Variants in PLEKHA5 observed in about 807,000 individuals in gnomAD.
PLEKHA5 encodes the protein pleckstrin homology domain-containing family A member 5.
PLEKHA5 carries 55 observed loss-of-function variants against 181.9 expected under a neutral mutation model. The observed-to-expected ratio is 0.30, with a 90% confidence interval of 0.24 to 0.38. The LOEUF (loss-of-function observed/expected upper bound fraction) is 0.38. Ranked by LOEUF, PLEKHA5 falls within the 10% of genes least tolerant of loss-of-function variation. The pLI is 1.00. For synonymous variants in PLEKHA5, 535 were observed against 529.4 expected (o/e 1.01, Z -0.15); for missense variants, 1,432 against 1,549.5 (o/e 0.92, Z 1.27).
chr12:19,324,329 T>G (rs2091599780), intron 20 of PLEKHA5, among the ~76,000 whole-genome samples: 1 of 152,228 alleles, frequency 6.6e-6, no homozygotes, highest in African/African-American at 2.4e-5. Flanking sequence ...TTTAAAATAC[T>G]GTTATTTCTG....
chr12:19,271,759 A>G (rs2072875056), intron 10 of PLEKHA5, among the ~76,000 whole-genome samples: 1 of 152,162 alleles, frequency 6.6e-6, no homozygotes, highest in African/African-American at 2.4e-5. Context: ...TGGCAACCTG[A>G]TAGTTCACTA....
At chr12:19,336,126 A>G (rs2093410330) in intron 20 of PLEKHA5, among the ~76,000 whole-genome samples, 1 of 152,220 alleles carries the variant, frequency 6.6e-6, no homozygotes, top group African/African-American at 2.4e-5. Context: ...TTGTTTAAAT[A>G]GCTAGCTAAA....
intron 15 of PLEKHA5, among the ~76,000 whole-genome samples, chr12:19,305,351 G>T (rs914360468): frequency 2.0e-5 from 3 of 150,384 alleles, no homozygotes; most frequent in Admixed American, 1.3e-4. Flanking sequence ...TCACAAGGTC[G>T]GGAGTTCAAG....
intron 3 of PLEKHA5, chr12:19,201,411 A>G (rs2054158829): frequency 1.3e-5 from 2 of 152,098 alleles, no homozygotes; most frequent in Admixed American, 6.6e-5. Context: ...TGTTAGAACC[A>G]CTTTGGAAAG....
chr12:19,286,217 C>G, intron 12 of PLEKHA5, among the ~76,000 whole-genome samples: 1 of 152,138 alleles, frequency 6.6e-6, no homozygotes, highest in Non-Finnish European at 1.5e-5. Context: ...CATTGCATAA[C>G]TCACTGAACC....
chr12:19,153,395 C>G (rs957112080), intron 3 of PLEKHA5: 8 of 152,016 alleles, frequency 5.3e-5, no homozygotes, highest in Non-Finnish European at 1.2e-4. Context: ...TTGTTGGGAT[C>G]AACCCAACTT....
chr12:19,315,474 T>C (rs528525733), intron 16 of PLEKHA5, among the ~76,000 whole-genome samples: 2 of 152,264 alleles, frequency 1.3e-5, no homozygotes, highest in African/African-American at 4.8e-5. Flanking sequence ...TACCCTATTG[T>C]TTTTCCTTAT....
chr12:19,300,488 G>A (rs2081177129), intron 15 of PLEKHA5, among the ~76,000 whole-genome samples: 1 of 152,122 alleles, frequency 6.6e-6, no homozygotes, highest in Non-Finnish European at 1.5e-5. Context: ...CTTTGCTTCT[G>A]TCTTAATTTT....
chr12:19,166,391 G>T (rs2044389187), intron 3 of PLEKHA5, among the ~76,000 whole-genome samples: 1 of 152,158 alleles, frequency 6.6e-6, no homozygotes, highest in African/African-American at 2.4e-5. Flanking sequence ...AGATAACAGT[G>T]TTACCTCGTT....
chr12:19,255,925 T>G (rs2066768139), intron 5 of PLEKHA5, among the ~76,000 whole-genome samples: 1 of 149,368 alleles, frequency 6.7e-6, no homozygotes, highest in Non-Finnish European at 1.5e-5. Context: ...CAGATGGGCT[T>G]TCTAAATATG....
At chr12:19,310,164 A>G (rs1261641134) in intron 15 of PLEKHA5, among the ~76,000 whole-genome samples, 3 of 152,224 alleles carry the variant, frequency 2.0e-5, no homozygotes, top group African/African-American at 4.8e-5. Flanking sequence ...ACTCATTTCA[A>G]GTGAATCCTT....
chr12:19,130,267 C>T lies in PLEKHA5; in HGVS notation c.169+137C>T, dbSNP rs937555403. On this transcript the variant is annotated intron_variant, in intron 2 of 31. Coordinates refer to ENST00000429027, the MANE Select transcript of PLEKHA5 (RefSeq NM_001256470.2). This position sits in a 1 kb window ranked among gnomAD's most constrained non-coding sequence, Gnocchi z 4.5. ...CGGGGCGGAGGCCGGGCGGGAGCGG[C>T]CGCAGGTAGAGGGGCCACGGGGACT... 1.0e-5 allele frequency: 4 copies of T among 390,782 alleles called. No individual in the cohort carries two copies. The Admixed American group carries it at 1.9e-4, about 19-fold the overall frequency. The allele number at this position is 390,782 out of a possible 1,614,324, so 24.2% of individuals were successfully genotyped here.
intron 15 of PLEKHA5, among the ~76,000 whole-genome samples, chr12:19,311,752 C>T (rs56930803): frequency 6.6e-6 from 1 of 151,966 alleles, no homozygotes; most frequent in Admixed American, 6.6e-5. Flanking sequence ...AACCCCTCAA[C>T]CTCATTCATG....
At chr12:19,263,916 C>T (rs2069404389) in intron 7 of PLEKHA5, among the ~76,000 whole-genome samples, 1 of 152,126 alleles carries the variant, frequency 6.6e-6, no homozygotes, top group Admixed American at 6.6e-5. Flanking sequence ...TGAGTACTTA[C>T]TCTTTGTCAG....
At chr12:19,240,245 A>T (rs2062239506) in intron 3 of PLEKHA5, among the ~76,000 whole-genome samples, 1 of 151,958 alleles carries the variant, frequency 6.6e-6, no homozygotes, top group Admixed American at 6.5e-5. Context: ...AAATAATTGG[A>T]TCTCTTTAAA....
chr12:19,283,238 A>T, intron 11 of PLEKHA5, 42 bp from the exon 12 acceptor site: 34 of 1,015,052 alleles, frequency 3.3e-5, no homozygotes, highest in Non-Finnish European at 4.6e-5. Context: ...TTGGAAAATA[A>T]CCCTCCTTCA....
intron 3 of PLEKHA5, among the ~76,000 whole-genome samples, chr12:19,208,930 A>G (rs1347241325): frequency 6.6e-6 from 1 of 152,156 alleles, no homozygotes; most frequent in Non-Finnish European, 1.5e-5. Flanking sequence ...ATTTTTCTCA[A>G]AATAAAGTAC....
intron 3 of PLEKHA5, among the ~76,000 whole-genome samples, chr12:19,143,074 G>A (rs879868170): frequency 6.6e-6 from 1 of 152,100 alleles, no homozygotes; most frequent in Non-Finnish European, 1.5e-5. Context: ...TGTCAGTAAT[G>A]CTGCAGTGAA....
intron 11 of PLEKHA5, among the ~76,000 whole-genome samples, chr12:19,280,685 TATGG>T (rs1592305735): frequency 1.3e-5 from 2 of 152,140 alleles, no homozygotes; most frequent in East Asian, 3.8e-4. Context: ...AATTTATGCC[TATGG>T]AGATGATTGT....
Sources: gnomAD v4.1 joint callset for allele counts (sites outside exome capture counted in the v4.1 genomes callset) on GRCh38, gnomAD v4.1.1 for gene constraint, Gnocchi (gnomAD v3.1) non-coding constraint, MANE v1.5 for transcripts, NCBI Gene and HGNC (gene_info 2026-07-23, HGNC 2026-07-21) for gene names.